Variants in SPP2 observed in about 807,000 individuals in gnomAD.
SPP2 encodes secreted phosphoprotein 24.
In SPP2, 34 loss-of-function variants were observed where a neutral mutation model predicts 28.8. The ratio of observed to expected loss-of-function variants is 1.18; its 90% CI spans 0.90 to 1.57. The LOEUF (loss-of-function observed/expected upper bound fraction) is 1.57. SPP2 is among the 40% of genes most tolerant of loss of function. The pLI, the probability that SPP2 is intolerant of heterozygous loss-of-function variation, is 0.00. For missense variants in SPP2, 269 were observed against 263.9 expected, an observed-to-expected ratio of 1.02 and a Z score of -0.13; for synonymous variants, 96 against 89.4, an observed-to-expected ratio of 1.07 and a Z score of -0.42.
At chr2:234,075,219 A>T (rs1434355027) in intron 7 of SPP2, among the ~76,000 whole-genome samples, 1 of 152,160 alleles carries the variant, frequency 6.6e-6, no homozygotes, top group Non-Finnish European at 1.5e-5. Flanking sequence ...AATAACTGTT[A>T]GTGAGCAGTG....
chr2:234,061,720 G>A (rs1483015677), intron 4 of SPP2, among the ~76,000 whole-genome samples: 1 of 152,196 alleles, frequency 6.6e-6, no homozygotes, highest in Non-Finnish European at 1.5e-5. Flanking sequence ...ACTAATGACT[G>A]AGACACTCCT....
chr2:234,069,978 C>T lies in SPP2; in HGVS notation c.601C>T (p.Arg201Trp), dbSNP rs201489523. 2.5e-5 allele frequency: 40 copies of T among 1,613,196 alleles called. No individual in the cohort carries two copies. The highest frequency in any genetic ancestry group is 3.3e-4 in the Middle Eastern group (2 of 6,076). The change falls in exon 7 of 8, where the codon CGG (arginine) becomes TGG (tryptophan). Residue 201 changes from arginine to tryptophan, a missense_variant. Arg to Trp is a moderately radical substitution (Grantham distance 101). Transcript: ENST00000168148. ...TGGAAACAGAAGGTACCCAAACCACCGGCACAGAGCAAGAATAAATACTGA... is the reference window on the plus strand; with the variant it reads ...TGGAAACAGAAGGTACCCAAACCACTGGCACAGAGCAAGAATAAATACTGA... ...PPGNRRYPNH[R>W]HRARINTDFE
Position 234,058,867 on chromosome 2 carries a change from T to C in SPP2, c.242T>C (p.Met81Thr). 1.9e-6 allele frequency: 3 copies of C among 1,614,052 alleles called. No individual in the cohort carries two copies. Among genetic ancestry groups the C allele is most frequent in the Non-Finnish European group, 1.7e-6 (2 of 1,179,942 alleles). Residue 81 changes from methionine (M) to threonine (T), a missense_variant, in exon 3 of 8, where the codon ATG becomes ACG. Transcript: ENST00000168148. The part of the protein sequence containing the change: ...VEVLDENNLV[M>T]NLEFSIRETT... The stretch of plus-strand genomic sequence containing the variant: ...GTCCTAGATGAGAACAACTTGGTCA[T>C]GAATTTAGAGTTCAGCATCCGGGAG...
intron 2 of SPP2, among the ~76,000 whole-genome samples, chr2:234,053,517 A>G (rs10168712): frequency 0.34 from 51,651 of 151,240 alleles, 9,100 homozygotes; most frequent in South Asian, 0.5. Flanking sequence ...AGGAGGGATG[A>G]TCGACTCCTT....
chr2:234,067,993 A>C (rs534371084), intron 6 of SPP2, among the ~76,000 whole-genome samples: 1 of 152,120 alleles, frequency 6.6e-6, no homozygotes, highest in African/African-American at 2.4e-5. Context: ...TACATGAGAT[A>C]TTTTGATACA....
At chr2:234,057,106 C>T (rs754130028) in intron 2 of SPP2, among the ~76,000 whole-genome samples, 1 of 152,112 alleles carries the variant, frequency 6.6e-6, no homozygotes, top group African/African-American at 2.4e-5. Flanking sequence ...TTGTCAGGTA[C>T]TGGACCGTGG....
intron 7 of SPP2, among the ~76,000 whole-genome samples, chr2:234,074,252 C>T (rs902868776): frequency 5.3e-5 from 8 of 152,088 alleles, no homozygotes; most frequent in South Asian, 2.1e-4. Context: ...ATTTGTCATG[C>T]GTTGGGTGAA....
rs889745256 is a variant in SPP2 at position 234,067,153 on chromosome 2, T to C, written c.500-71T>C. ...TGCTTAAGAAGCATATTTGTGGCAT[T>C]AACAGTAAAGTCATAGAACATTCTG... On this transcript the variant is annotated intron_variant, in intron 5 of 7. Coordinates refer to ENST00000168148, the MANE Select transcript of SPP2 (RefSeq NM_006944.3). 8 of 1,391,546 alleles carry C rather than the reference T, an allele frequency of 5.7e-6. No individual in the cohort carries two copies. In the African/African-American group the frequency reaches 1.1e-4, roughly 20 times the overall value. The allele number at this position is 1,391,546 out of a possible 1,614,324, so 86.2% of individuals were successfully genotyped here.
intron 2 of SPP2, among the ~76,000 whole-genome samples, chr2:234,056,792 T>C (rs868042564): frequency 1.3e-5 from 2 of 152,232 alleles, no homozygotes; most frequent in Middle Eastern, 6.8e-3. Context: ...ATGGTGAGGT[T>C]GAGTTTTTAT....
At chr2:234,067,374 T>C (rs1693843583) in intron 6 of SPP2, 100 bp downstream of exon 6, 5 of 1,050,340 alleles carry the variant, frequency 4.8e-6, no homozygotes, top group Non-Finnish European at 7.2e-6. Context: ...TCATAGGAGT[T>C]AAATCTCTGA....
At chr2:234,076,701 T>A (rs979164631) in intron 7 of SPP2, 144 bp from the exon 8 acceptor site, 3 of 152,242 alleles carry the variant, frequency 2.0e-5, no homozygotes, top group Non-Finnish European at 4.4e-5. Context: ...ACAAACACCT[T>A]CATAGACCTG....
intron 4 of SPP2, among the ~76,000 whole-genome samples, chr2:234,064,006 A>G (rs1358302582): frequency 6.6e-6 from 1 of 152,158 alleles, no homozygotes; most frequent in Non-Finnish European, 1.5e-5. Flanking sequence ...CCTGGATCAC[A>G]TTCCCAGAAA....
At chr2:234,071,879 A>G (rs1390229213) in intron 7 of SPP2, among the ~76,000 whole-genome samples, 1 of 152,186 alleles carries the variant, frequency 6.6e-6, no homozygotes, top group Non-Finnish European at 1.5e-5. Flanking sequence ...CTACGTTGAC[A>G]CCACAAACCA....
rs1222326277 is a variant in SPP2 at position 234,072,905 on chromosome 2, T to A, written c.*10+2882T>A. Among the ~76,000 whole-genome samples, 4 of 152,362 alleles carry A rather than the reference T, an allele frequency of 2.6e-5. No individual in the cohort carries two copies. In the East Asian group the frequency reaches 7.7e-4, roughly 29 times the overall value. ...TAGACCATAAGCTTCCTTTTTATTT[T>A]GAGACAGAGTGTTGCTGTGTTGCCC... On this transcript the variant is annotated intron_variant, in intron 7 of 7. Coordinates refer to ENST00000168148, the MANE Select transcript of SPP2 (RefSeq NM_006944.3).
intron 4 of SPP2, among the ~76,000 whole-genome samples, chr2:234,065,495 G>C (rs772564944): frequency 1.3e-5 from 2 of 152,162 alleles, no homozygotes; most frequent in Admixed American, 6.5e-5. Context: ...GGCCTGCCTG[G>C]TCTCCAACTC....
intron 6 of SPP2, among the ~76,000 whole-genome samples, chr2:234,067,691 G>A (rs942870619): frequency 2.7e-5 from 4 of 148,038 alleles, no homozygotes; most frequent in Non-Finnish European, 5.9e-5. Context: ...GCAGGAGAAT[G>A]GCGTGAACCC....
chr2:234,052,288 T>C (rs959197925), intron 2 of SPP2, among the ~76,000 whole-genome samples: 2 of 152,222 alleles, frequency 1.3e-5, no homozygotes, highest in African/African-American at 4.8e-5. Flanking sequence ...CTTGCTTGTA[T>C]TGTATTTCAA....
intron 4 of SPP2, among the ~76,000 whole-genome samples, chr2:234,062,277 G>C (rs887699185): frequency 6.6e-6 from 1 of 152,180 alleles, no homozygotes; most frequent in Non-Finnish European, 1.5e-5. Context: ...TGACCTTCCA[G>C]CCAAGAACTG....
rs1246989227 is a variant in SPP2, at chr2:234,058,816, G to A, written c.211-20G>A. 3 of 1,610,138 alleles carry A rather than the reference G, an allele frequency of 1.9e-6. No homozygotes were observed. The highest frequency in any genetic ancestry group is 2.7e-5 in the African/African-American group (2 of 74,722). On this transcript the variant is annotated intron_variant, in intron 2 of 7. Coordinates refer to ENST00000168148, the MANE Select transcript of SPP2 (RefSeq NM_006944.3). ...TTCAGAAATGCATTGATCACACTCT[G>A]AAACTTTATTTTTGTGAAGGTTGAG...
Sources: gnomAD v4.1 joint callset for allele counts (sites outside exome capture counted in the v4.1 genomes callset) on GRCh38, gnomAD v4.1.1 for gene constraint, MANE v1.5 for transcripts, NCBI Gene and HGNC (gene_info 2026-07-23, HGNC 2026-07-21) for gene names.